The following MINDY2 variants were observed in gnomAD, a reference collection of about 807,000 sequenced individuals.
The protein encoded by MINDY2 is MINDY lysine 48 deubiquitinase 2.
MINDY2 carries 52 observed loss-of-function variants against 68.2 expected under a neutral mutation model. The observed-to-expected ratio is 0.76, with a 90% confidence interval of 0.61 to 0.96. MINDY2 has a LOEUF of 0.96. Among genes scored for constraint, MINDY2 ranks in the 40% least tolerant of loss-of-function variants. MINDY2 has a pLI of 0.00. For synonymous variants in MINDY2, 372 were observed against 303.0 expected, an observed-to-expected ratio of 1.23 and a Z score of -2.36; for missense variants, 881 against 773.4, an observed-to-expected ratio of 1.14 and a Z score of -1.65.
intron 1 of MINDY2, among the ~76,000 whole-genome samples, chr15:58,778,749 C>T (rs1567036718): frequency 6.6e-6 from 1 of 151,524 alleles, no homozygotes; most frequent in Non-Finnish European, 1.5e-5. Context: ...ACCTCAGCCT[C>T]CTGAGTAGCT....
At chr15:58,778,104 G>A (rs1018618912) in intron 1 of MINDY2, among the ~76,000 whole-genome samples, 1 of 152,018 alleles carries the variant, frequency 6.6e-6, no homozygotes, top group Non-Finnish European at 1.5e-5. Context: ...GTAATAGAGG[G>A]AATCCCTACT....
intron 6 of MINDY2, among the ~76,000 whole-genome samples, chr15:58,841,585 A>G (rs2032288845): frequency 6.6e-6 from 1 of 151,668 alleles, no homozygotes; most frequent in Non-Finnish European, 1.5e-5. Flanking sequence ...TTGTACTTTT[A>G]GTAGAGACAC....
At chr15:58,827,807 A>G (rs1345481976) in intron 5 of MINDY2, among the ~76,000 whole-genome samples, 1 of 152,082 alleles carries the variant, frequency 6.6e-6, no homozygotes, top group Non-Finnish European at 1.5e-5. Context: ...TAATTGTTCT[A>G]AATGTGATAT....
At chr15:58,816,420 T>G (rs1459461144) in intron 4 of MINDY2, among the ~76,000 whole-genome samples, 3 of 152,294 alleles carry the variant, frequency 2.0e-5, no homozygotes, top group Non-Finnish European at 2.9e-5. Context: ...TTTGCTTGTT[T>G]GTTTTTTTGA....
chr15:58,811,769 T>C (rs974102321), intron 4 of MINDY2, among the ~76,000 whole-genome samples: 3 of 152,148 alleles, frequency 2.0e-5, no homozygotes, highest in Admixed American at 1.3e-4. Context: ...CTGCAGTCCA[T>C]AGAGGTTAGT....
chr15:58,831,079 G>T (rs2031705138), intron 5 of MINDY2, among the ~76,000 whole-genome samples: 1 of 134,980 alleles, frequency 7.4e-6, no homozygotes, highest in African/African-American at 3.0e-5. Flanking sequence ...TTATACCCCG[G>T]ATCACTTCTG....
chr15:58,842,346 G>A (rs1270604263), intron 6 of MINDY2, among the ~76,000 whole-genome samples: 4 of 152,084 alleles, frequency 2.6e-5, no homozygotes, highest in Non-Finnish European at 5.9e-5. Context: ...GGGATTAGAA[G>A]TGAAAAGTAG....
chr15:58,783,531 A>C (rs536775436), intron 1 of MINDY2, among the ~76,000 whole-genome samples: 2 of 152,294 alleles, frequency 1.3e-5, no homozygotes, highest in East Asian at 1.9e-4. Flanking sequence ...GATGTTTTAC[A>C]TTCCTGTTTA....
intron 3 of MINDY2, among the ~76,000 whole-genome samples, chr15:58,803,315 A>C (rs1281419265): frequency 6.6e-6 from 1 of 151,492 alleles, no homozygotes; most frequent in Non-Finnish European, 1.5e-5. Context: ...AAATACAAAA[A>C]AAATTAGCTG....
At chr15:58,782,274 TAC>T (rs1185411903) in intron 1 of MINDY2, among the ~76,000 whole-genome samples, 7 of 152,174 alleles carry the variant, frequency 4.6e-5, no homozygotes, top group African/African-American at 1.4e-4. Flanking sequence ...GCTACATATA[TAC>T]ACACATGTGT....
At chr15:58,839,132 G>A (rs2054097) in intron 6 of MINDY2, among the ~76,000 whole-genome samples, 1,772 of 151,674 alleles carry the variant, frequency 0.012, 15 homozygotes, top group Non-Finnish European at 0.019. Flanking sequence ...TTGAGTGTGC[G>A]TTAAAATCTT....
chr15:58,794,236 A>T (rs1902122298), intron 2 of MINDY2, among the ~76,000 whole-genome samples: 1 of 152,072 alleles, frequency 6.6e-6, no homozygotes, highest in East Asian at 1.9e-4. Context: ...GGAAAATGTA[A>T]TGAGATTAAT....
chr15:58,799,262 G>C (rs1902479132), intron 2 of MINDY2, among the ~76,000 whole-genome samples: 1 of 152,196 alleles, frequency 6.6e-6, no homozygotes, highest in African/African-American at 2.4e-5. Context: ...AAAAAGAGAT[G>C]TTTTTGAGTT....
intron 4 of MINDY2, among the ~76,000 whole-genome samples, chr15:58,819,577 G>A (rs1195360254): frequency 1.3e-5 from 2 of 152,094 alleles, no homozygotes; most frequent in Non-Finnish European, 2.9e-5. Flanking sequence ...TGAACTCCCG[G>A]CCTCAAGATA....
rs762642665 is a variant in MINDY2, at chr15:58,771,736, C to T, written c.341C>T (p.Thr114Ile). Residue 114 changes from threonine (T) to isoleucine (I), a missense_variant, in exon 1 of 9, where the codon ACA becomes ATA. By Grantham distance (89) the Thr-to-Ile change is moderately conservative. Coordinates refer to ENST00000559228, the MANE Select transcript of MINDY2 (RefSeq NM_001040450.3). The stretch of plus-strand genomic sequence containing the variant: ...TACAAGGTGACCGCCTCCCCGGAGA[C>T]AGCCGTGGCCGGAGTGGGTCATGAG... ...GQYKVTASPE[T>I]AVAGVGHELG... 2.3e-5 allele frequency: 37 copies of T among 1,611,742 alleles called. No individual in the cohort carries two copies. Among genetic ancestry groups the T allele is most frequent in the Non-Finnish European group, 3.1e-5 (36 of 1,179,600 alleles).
At chr15:58,853,819 T>TAAAAAAAAAAA (rs10563818) in intron 8 of MINDY2, among the ~76,000 whole-genome samples, 1 of 102,202 alleles carries the variant, frequency 9.8e-6, no homozygotes, top group African/African-American at 3.8e-5. Flanking sequence ...TCCATCTCAA[T>TAAAAAAAAAAA]AAAAAAAAAA....
rs564417685 is a variant in MINDY2 at position 58,856,374 on chromosome 15, T to C, written c.*1764T>C. ...CAAGACCAGTTATAGGATGAATCTGTATGTAAAAATAGAGTCTTATTTATG... is the reference window on the plus strand; with the variant it reads ...CAAGACCAGTTATAGGATGAATCTGCATGTAAAAATAGAGTCTTATTTATG... On this transcript the variant is annotated 3_prime_UTR_variant, in exon 9 of 9. Transcript: ENST00000559228. 6.5e-6 allele frequency: 1 copy of C among 152,736 alleles called. No individual in the cohort carries two copies. Among genetic ancestry groups the C allele is most frequent in the African/African-American group, 2.4e-5 (1 of 41,546 alleles). 9.5% of individuals were successfully genotyped at this position (152,736 alleles called of 1,614,324 possible).
Position 58,802,372 on chromosome 15 carries a change from G to T in MINDY2, c.958G>T (p.Glu320Ter). ...EISEIQRLNY[E>*]QNMSDAMAIL... ...TTCAGAAATTCAACGTTTAAATTATGAACAGGTAATAAACAGTTTTTGTTA... is the reference window on the plus strand; with the variant it reads ...TTCAGAAATTCAACGTTTAAATTATTAACAGGTAATAAACAGTTTTTGTTA... Residue 320 changes from glutamate (E) to a stop codon, truncating the protein, a stop_gained, in exon 3 of 9, where the codon GAA (glutamate) becomes TAA (stop). Transcript: ENST00000559228. LOFTEE classifies it high-confidence loss of function. 1 of 1,574,360 alleles carries T rather than the reference G, an allele frequency of 6.4e-7. No individual in the cohort carries two copies. Among genetic ancestry groups the T allele is most frequent in the South Asian group, 1.2e-5 (1 of 84,446 alleles).
intron 1 of MINDY2, among the ~76,000 whole-genome samples, chr15:58,776,778 G>A (rs1254306087): frequency 2.0e-5 from 3 of 152,122 alleles, no homozygotes; most frequent in Non-Finnish European, 4.4e-5. Context: ...TCCCAGCATT[G>A]TGGGAGGCTA....
Sources: gnomAD v4.1 joint callset for allele counts (sites outside exome capture counted in the v4.1 genomes callset) on GRCh38, gnomAD v4.1.1 for gene constraint, MANE v1.5 for transcripts, NCBI Gene and HGNC (gene_info 2026-07-23, HGNC 2026-07-21) for gene names.